Variants in SPIDR observed in about 807,000 individuals in gnomAD.
SPIDR encodes the protein DNA repair-scaffolding protein.
SPIDR carries 93 observed loss-of-function variants against 104.6 expected under a neutral mutation model. That is an observed-to-expected ratio of 0.89 (90% CI 0.75 to 1.06). The LOEUF (loss-of-function observed/expected upper bound fraction) is 1.06. SPIDR is among the 50% of genes least tolerant of loss of function. The pLI is 0.00. For missense variants in SPIDR, 1,154 were observed against 1,111.2 expected (o/e 1.04, Z -0.55); for synonymous variants, 431 against 416.9 (o/e 1.03, Z -0.41).
chr8:47,346,378 A>AAT (rs1364057480), intron 5 of SPIDR, among the ~76,000 whole-genome samples: 2 of 152,136 alleles, frequency 1.3e-5, no homozygotes, highest in Non-Finnish European at 2.9e-5. Flanking sequence ...GCCAATATTT[A>AAT]ATTGTGGATT....
intron 5 of SPIDR, among the ~76,000 whole-genome samples, chr8:47,349,816 A>T (rs2053070866): frequency 6.6e-6 from 1 of 152,120 alleles, no homozygotes; most frequent in East Asian, 1.9e-4. Context: ...GTTTGCTAAG[A>T]CCATTGGAAA....
chr8:47,501,381 A>G (rs2080407217), intron 8 of SPIDR, among the ~76,000 whole-genome samples: 1 of 152,022 alleles, frequency 6.6e-6, no homozygotes, highest in Non-Finnish European at 1.5e-5. Context: ...TTGGATTCCT[A>G]GGTATTTTAT....
At chr8:47,508,307 A>G (rs745517859) in intron 8 of SPIDR, among the ~76,000 whole-genome samples, 13 of 152,198 alleles carry the variant, frequency 8.5e-5, no homozygotes, top group African/African-American at 2.9e-4. Context: ...AAACACGTAC[A>G]TGCAAACACA....
intron 8 of SPIDR, among the ~76,000 whole-genome samples, chr8:47,479,830 C>T (rs1554725951): frequency 6.6e-6 from 1 of 152,160 alleles, no homozygotes; most frequent in Non-Finnish European, 1.5e-5. Flanking sequence ...AGCTTGTGCC[C>T]AAGAACTGAA....
chr8:47,651,875 T>G (rs765007484), intron 10 of SPIDR, among the ~76,000 whole-genome samples: 1 of 152,186 alleles, frequency 6.6e-6, no homozygotes, highest in Non-Finnish European at 1.5e-5. Flanking sequence ...ATACTGTATG[T>G]TCTCACTTAC....
rs561108009 is a variant in SPIDR at position 47,651,858 on chromosome 8, A to T, written c.1545-21943A>T. On this transcript the variant is annotated intron_variant, in intron 10 of 19. Transcript: ENST00000297423. ...CTAAATGAAGTAACTCAGGAATGGA[A>T]AACCAAATACTGTATGTTCTCACTT... Among the ~76,000 whole-genome samples, 335 of 152,336 alleles carry T rather than the reference A, an allele frequency of 2.2e-3. 1 individual carries two copies. Among genetic ancestry groups the T allele is most frequent in the African/African-American group, 7.9e-3 (327 of 41,572 alleles).
intron 8 of SPIDR, among the ~76,000 whole-genome samples, chr8:47,464,267 G>A (rs2074414990): frequency 6.6e-6 from 1 of 152,062 alleles, no homozygotes; most frequent in Non-Finnish European, 1.5e-5. Context: ...TAAGTAAACA[G>A]TATCGACTAC....
At chr8:47,441,725 G>T (rs905804745) in intron 8 of SPIDR, among the ~76,000 whole-genome samples, 7 of 152,038 alleles carry the variant, frequency 4.6e-5, no homozygotes, top group African/African-American at 1.4e-4. Context: ...TCCTTACTAT[G>T]AGGTGTAAAA....
chr8:47,285,052 T>TG (rs2038567828), intron 3 of SPIDR, among the ~76,000 whole-genome samples: 1 of 152,226 alleles, frequency 6.6e-6, no homozygotes, highest in Non-Finnish European at 1.5e-5. Flanking sequence ...GTTTTGTATC[T>TG]GGAGAATGGG....
At chr8:47,551,476 A>C (rs190837446) in intron 8 of SPIDR, among the ~76,000 whole-genome samples, 1 of 152,086 alleles carries the variant, frequency 6.6e-6, no homozygotes, top group Non-Finnish European at 1.5e-5. Context: ...GAGAGATTCA[A>C]CTTCTTCCTG....
Position 47,528,294 on chromosome 8 carries a change from A to C in SPIDR, c.1098-67517A>C, listed in dbSNP as rs190306349. The stretch of plus-strand genomic sequence containing the variant: ...AAATACATATCTCATGTAAAATGGG[A>C]AAGATAAAAAATATTGAAAAGTGAA... On this transcript the variant is annotated intron_variant, in intron 8 of 19. Coordinates refer to ENST00000297423, the MANE Select transcript of SPIDR (RefSeq NM_001080394.4). 7 of 152,296 alleles carry C rather than the reference A, an allele frequency of 4.6e-5. No homozygotes were observed. The East Asian group carries it at 9.6e-4, about 21-fold the overall frequency. 9.4% of individuals were successfully genotyped at this position (152,296 alleles called of 1,614,324 possible). A position where few individuals can be genotyped will look rare whatever the true frequency, so the allele number is the denominator to read the frequency against.
Position 47,426,774 on chromosome 8 carries a change from A to G in SPIDR, c.878-13549A>G, listed in dbSNP as rs565808704. On this transcript the variant is annotated intron_variant, in intron 7 of 19. Transcript: ENST00000297423. ...GGAAGGTGGTAGAACTCATCCTTTA[A>G]TGAGGAACCAACTCCCATGATAATG... Among the ~76,000 whole-genome samples, 105 of 152,336 alleles carry G rather than the reference A, an allele frequency of 6.9e-4. 1 individual carries two copies. The highest frequency in any genetic ancestry group is 2.4e-3 in the African/African-American group (99 of 41,574).
chr8:47,491,428 G>A (rs1329610878), intron 8 of SPIDR, among the ~76,000 whole-genome samples: 6 of 151,680 alleles, frequency 4.0e-5, no homozygotes, highest in Admixed American at 1.3e-4. Flanking sequence ...TATTATCTGT[G>A]GTTCAGCAAT....
intron 14 of SPIDR, among the ~76,000 whole-genome samples, chr8:47,707,736 C>T (rs1459125495): frequency 6.6e-6 from 1 of 152,158 alleles, no homozygotes; most frequent in Non-Finnish European, 1.5e-5. Flanking sequence ...TTACACTTTA[C>T]CTTCCAAGTC....
intron 7 of SPIDR, among the ~76,000 whole-genome samples, chr8:47,410,335 C>A (rs1204175054): frequency 6.6e-6 from 1 of 151,952 alleles, no homozygotes; most frequent in Non-Finnish European, 1.5e-5. Flanking sequence ...TGCCTGCCAT[C>A]ACGCCTGGCT....
At chr8:47,535,605 C>T (rs563819722) in intron 8 of SPIDR, among the ~76,000 whole-genome samples, 50 of 152,046 alleles carry the variant, frequency 3.3e-4, no homozygotes, top group African/African-American at 1.2e-3. Flanking sequence ...TCCATCACAC[C>T]AACAGGCTAA....
intron 5 of SPIDR, among the ~76,000 whole-genome samples, chr8:47,322,380 A>G (rs1330961117): frequency 6.6e-6 from 1 of 152,238 alleles, no homozygotes; most frequent in East Asian, 1.9e-4. Flanking sequence ...AATCGAAACC[A>G]CAATGAGATA....
intron 10 of SPIDR, chr8:47,660,417 T>A: frequency 3.0e-6 from 3 of 984,676 alleles, no homozygotes; most frequent in Non-Finnish European, 3.6e-6. Context: ...TGGCACCAGT[T>A]TTAATCGGCT....
chr8:47,379,814 C>T (rs1234875523), intron 5 of SPIDR, among the ~76,000 whole-genome samples: 2 of 152,172 alleles, frequency 1.3e-5, no homozygotes. Flanking sequence ...TGCCTTTGCT[C>T]CTTGTGGAGC....
Sources: gnomAD v4.1 joint callset for allele counts (sites outside exome capture counted in the v4.1 genomes callset) on GRCh38, gnomAD v4.1.1 for gene constraint, MANE v1.5 for transcripts, NCBI Gene and HGNC (gene_info 2026-07-23, HGNC 2026-07-21) for gene names.